Variants in STX5 observed in about 807,000 individuals in gnomAD.
STX5 encodes the protein syntaxin-5.
A neutral mutation model predicts 42.9 loss-of-function variants in STX5; 15 were observed. The ratio of observed to expected loss-of-function variants is 0.35; its 90% CI spans 0.23 to 0.54. The LOEUF (loss-of-function observed/expected upper bound fraction) is 0.54. Ranked by LOEUF, STX5 falls within the 20% of genes least tolerant of loss-of-function variation. STX5 has a pLI of 0.91. For missense variants in STX5, 430 were observed against 455.0 expected (o/e 0.95, Z 0.50); for synonymous variants, 184 against 173.2 (o/e 1.06, Z -0.49).
intron 10 of STX5, among the ~76,000 whole-genome samples, chr11:62,821,750 G>A (rs1048191571): frequency 5.3e-5 from 8 of 149,632 alleles, no homozygotes; most frequent in Admixed American, 1.3e-4. Context: ...AATTAACACC[G>A]GGCATGGTGG....
chr11:62,830,965 C>T, intron 2 of STX5, 54 bp downstream of exon 2: 1 of 1,471,310 alleles, frequency 6.8e-7, no homozygotes, highest in Non-Finnish European at 9.3e-7. Flanking sequence ...GAGCACAGTC[C>T]TTCCTAGATT....
At chr11:62,826,767 C>G (rs1358448190) in intron 5 of STX5, among the ~76,000 whole-genome samples, 1 of 150,544 alleles carries the variant, frequency 6.6e-6, no homozygotes, top group Non-Finnish European at 1.5e-5. Context: ...ATAGTCCCAG[C>G]TACTGGGGAG....
At chr11:62,813,766 G>A (rs530593231) in intron 10 of STX5, among the ~76,000 whole-genome samples, 14 of 152,184 alleles carry the variant, frequency 9.2e-5, no homozygotes, top group Non-Finnish European at 1.8e-4. Context: ...TCTTCTTAAT[G>A]AGCTGAGAAG....
chr11:62,823,924 G>C (rs1035140241), intron 10 of STX5: 2 of 539,978 alleles, frequency 3.7e-6, no homozygotes, highest in Non-Finnish European at 3.3e-6. Context: ...CTACAAAGCA[G>C]CTCCAGACAG....
At chr11:62,811,416 A>G (rs113466646) in intron 10 of STX5, among the ~76,000 whole-genome samples, 272 of 152,300 alleles carry the variant, frequency 1.8e-3, no homozygotes, top group Admixed American at 3.5e-3. Flanking sequence ...TCTTGCTGTG[A>G]CACACAGGTT....
intron 10 of STX5, among the ~76,000 whole-genome samples, chr11:62,816,625 A>G (rs1477601831): frequency 6.6e-6 from 1 of 150,480 alleles, no homozygotes; most frequent in African/African-American, 2.5e-5. Context: ...ACTTCCTCCT[A>G]TCAGCTATTA....
chr11:62,820,117 TC>T (rs2084723111), intron 10 of STX5, among the ~76,000 whole-genome samples: 1 of 151,646 alleles, frequency 6.6e-6, no homozygotes, highest in South Asian at 2.1e-4. Flanking sequence ...ATGCCTGTAA[TC>T]CCAGAACTTT....
intron 2 of STX5, chr11:62,830,409 G>A (rs2084843512): frequency 5.1e-6 from 2 of 389,494 alleles, no homozygotes; most frequent in Admixed American, 6.6e-5. Context: ...AAAATTAGCT[G>A]AGTGGTGCAT....
chr11:62,808,801 CTCA>C (rs747638071), intron 10 of STX5, among the ~76,000 whole-genome samples: 91 of 152,064 alleles, frequency 6.0e-4, no homozygotes, highest in Non-Finnish European at 2.4e-4. Context: ...AAGGGATAAC[CTCA>C]TCAAGTGCCT....
chr11:62,824,092 C>G, intron 10 of STX5, 74 bp downstream of exon 10: 1 of 1,607,992 alleles, frequency 6.2e-7, no homozygotes, highest in South Asian at 1.1e-5. Flanking sequence ...ATCAAGCAGT[C>G]CCTGGGGACT....
intron 2 of STX5, among the ~76,000 whole-genome samples, chr11:62,829,061 A>AAAC (rs2084826745): frequency 1.3e-5 from 2 of 150,926 alleles, no homozygotes; most frequent in East Asian, 3.9e-4. Flanking sequence ...GACTGTCTCA[A>AAAC]AAACAAACAA....
intron 10 of STX5, chr11:62,816,034 C>A (rs1456338968): frequency 6.6e-6 from 1 of 152,006 alleles, no homozygotes; most frequent in African/African-American, 2.4e-5. Flanking sequence ...CTGTATTATT[C>A]AAATTTTAAT....
intron 10 of STX5, among the ~76,000 whole-genome samples, chr11:62,817,717 A>G (rs933001293): frequency 2.0e-5 from 3 of 152,190 alleles, no homozygotes; most frequent in African/African-American, 7.2e-5. Flanking sequence ...AGTAAATCAC[A>G]GCAGAGAAAC....
chr11:62,808,345 G>C (rs2084576175), intron 10 of STX5, among the ~76,000 whole-genome samples: 1 of 151,680 alleles, frequency 6.6e-6, no homozygotes, highest in Non-Finnish European at 1.5e-5. Context: ...AGGATAGCTT[G>C]AACCCAGGAG....
At position 62,807,317 on chromosome 11, in the gene STX5, G is replaced by A; in HGVS notation, c.*152C>T. The A allele has an allele frequency of 8.0e-7, 1 of 1,251,544 alleles. No homozygotes were observed. The highest frequency in any genetic ancestry group is 1.1e-6 in the Non-Finnish European group (1 of 926,648). 77.5% of individuals were successfully genotyped at this position (1,251,544 alleles called of 1,614,324 possible). On this transcript the variant is annotated 3_prime_UTR_variant, in exon 11 of 11. Coordinates refer to ENST00000294179, the MANE Select transcript of STX5 (RefSeq NM_003164.5). ...AGGACAGGGTGGCCAGAGGCAAGGG[G>A]TGGGGGATCAGGGGCAGTGGTCATT...
At chr11:62,831,293 G>A (rs748603975) in intron 1 of STX5, 31 bp from the exon 2 acceptor site, 1 of 1,469,496 alleles carries the variant, frequency 6.8e-7, no homozygotes, top group Non-Finnish European at 9.3e-7. Context: ...TCATTCCCCA[G>A]GCAACTTCTT....
chr11:62,828,500 G>A (rs1387926404), intron 2 of STX5, among the ~76,000 whole-genome samples: 1 of 152,062 alleles, frequency 6.6e-6, no homozygotes, highest in African/African-American at 2.4e-5. Context: ...GCTGAGGCAG[G>A]CGGATCACGA....
chr11:62,827,390 C>T lies in STX5; in HGVS notation c.305G>A (p.Gly102Glu). ...SEFTLMAKRI[G>E]KDLSNTFAKL... The stretch of plus-strand genomic sequence containing the variant: ...GGCAAATGTGTTGCTAAGGTCTTTC[C>T]CAATGCGCCTGCAAATGACCACTAG... The change falls in exon 4 of 11, where the codon GGG (glycine) becomes GAG (glutamate). Residue 102 changes from glycine to glutamate, a missense_variant. Physicochemically the swap from Gly to Glu is moderately conservative, Grantham distance 98. Transcript: ENST00000294179. The T allele has an allele frequency of 6.2e-7, 1 of 1,614,152 alleles. No homozygotes were observed. Among genetic ancestry groups the T allele is most frequent in the Non-Finnish European group, 8.5e-7 (1 of 1,180,026 alleles).
chr11:62,827,284 T>C lies in STX5; in HGVS notation c.352+59A>G, dbSNP rs76007410. 3,276 of 1,613,912 alleles carry C rather than the reference T, an allele frequency of 2.0e-3. 50 individuals carry two copies. In the African/African-American group the frequency reaches 0.039, roughly 19 times the overall value. On this transcript the variant is annotated intron_variant, in intron 4 of 10. Coordinates refer to ENST00000294179, the MANE Select transcript of STX5 (RefSeq NM_003164.5). ...GGTCAAGGACAAAGCTCAGGGAATA[T>C]AGTCCTCAACCCTCTTTGATTTACT... is the stretch of plus-strand genomic sequence containing the variant.
Sources: gnomAD v4.1 joint callset for allele counts (sites outside exome capture counted in the v4.1 genomes callset) on GRCh38, gnomAD v4.1.1 for gene constraint, MANE v1.5 for transcripts, NCBI Gene and HGNC (gene_info 2026-07-23, HGNC 2026-07-21) for gene names.